The following LRP1B variants were observed in gnomAD, a reference collection of about 807,000 sequenced individuals.
LRP1B encodes low-density lipoprotein receptor-related protein 1B.
LRP1B carries 217 observed loss-of-function variants against 556.6 expected under a neutral mutation model. The observed-to-expected ratio is 0.39, with a 90% CI of 0.35 to 0.44. LRP1B has a LOEUF of 0.44. Among genes scored for constraint, LRP1B ranks in the 20% least tolerant of loss-of-function variants. The probability of loss-of-function intolerance (pLI) is 1.00; values close to 1 mark genes in which losing one functional copy is unlikely to be tolerated. For missense variants in LRP1B, 5,053 were observed against 5,620.8 expected, an observed-to-expected ratio of 0.90 and a Z score of 3.23; for synonymous variants, 2,047 against 1,865.8, an observed-to-expected ratio of 1.10 and a Z score of -2.50.
At chr2:141,024,892 C>T (rs73962111) in intron 11 of LRP1B, among the ~76,000 whole-genome samples, 5,022 of 152,014 alleles carry the variant, frequency 0.033, 108 homozygotes, top group African/African-American at 0.054. Flanking sequence ...TTTAGAAAAT[C>T]CAAGCCTATT....
chr2:141,100,064 T>A (rs950814095), intron 7 of LRP1B, among the ~76,000 whole-genome samples: 6 of 152,182 alleles, frequency 3.9e-5, no homozygotes, highest in Admixed American at 2.6e-4. Flanking sequence ...TGGGAGTCTG[T>A]TTCAAGATCT....
rs1681891579 is a variant in LRP1B, at chr2:140,584,196, TAAG to T, written c.7194+14432_7194+14434del. ...ACCTGCTCAAGAACAATACAAAAAA[TAAG>T]AAATTCAGAGAAGAGAAAAATTAAT... On this transcript the variant is annotated intron_variant, in intron 43 of 90. Coordinates refer to ENST00000389484, the MANE Select transcript of LRP1B (RefSeq NM_018557.3). Among the ~76,000 whole-genome samples the T allele has an allele frequency of 3.3e-5, 5 of 152,028 alleles. No individual in the cohort carries two copies. In the East Asian group the frequency reaches 5.8e-4, roughly 18 times the overall value.
At chr2:141,396,423 C>G (rs181598722) in intron 3 of LRP1B, among the ~76,000 whole-genome samples, 1 of 152,166 alleles carries the variant, frequency 6.6e-6, no homozygotes, top group Admixed American at 6.5e-5. Flanking sequence ...ATGGGACTAC[C>G]AAATGATGAG....
intron 2 of LRP1B, among the ~76,000 whole-genome samples, chr2:141,542,004 G>C (rs1174921313): frequency 6.6e-6 from 1 of 151,916 alleles, no homozygotes; most frequent in Non-Finnish European, 1.5e-5. Context: ...TTTTGGCATT[G>C]AGTCAACCCT....
chr2:140,918,199 T>C (rs902917050), intron 21 of LRP1B, among the ~76,000 whole-genome samples: 7 of 151,678 alleles, frequency 4.6e-5, no homozygotes, highest in Non-Finnish European at 7.4e-5. Context: ...TGTGTGTGTG[T>C]GTGTGTGTGT....
At chr2:141,080,985 A>G (rs1465279214) in intron 7 of LRP1B, among the ~76,000 whole-genome samples, 1 of 151,994 alleles carries the variant, frequency 6.6e-6, no homozygotes, top group Non-Finnish European at 1.5e-5. Flanking sequence ...GGCACACACC[A>G]TCATGCCAGA....
intron 1 of LRP1B, among the ~76,000 whole-genome samples, chr2:142,091,918 C>T (rs997371948): frequency 3.3e-5 from 5 of 152,162 alleles, no homozygotes; most frequent in African/African-American, 1.2e-4. Flanking sequence ...GAGAGCTACC[C>T]TAGACAATTT....
chr2:140,578,759 TA>T (rs545410186), intron 43 of LRP1B, among the ~76,000 whole-genome samples: 3 of 151,876 alleles, frequency 2.0e-5, no homozygotes, highest in South Asian at 2.1e-4. Context: ...ATAAAATAAA[TA>T]AAAAAAATCA....
chr2:141,405,933 C>T (rs1690616530), intron 3 of LRP1B, among the ~76,000 whole-genome samples: 1 of 151,946 alleles, frequency 6.6e-6, no homozygotes, highest in African/African-American at 2.4e-5. Flanking sequence ...ATAGCTCTTT[C>T]TTATATAGTA....
chr2:141,078,667 T>C (rs1699852253), intron 7 of LRP1B, among the ~76,000 whole-genome samples: 1 of 152,152 alleles, frequency 6.6e-6, no homozygotes, highest in Non-Finnish European at 1.5e-5. Context: ...AAAGAAGTGT[T>C]CTCCTTCTCC....
chr2:140,303,379 C>T (rs1183158421), intron 83 of LRP1B, among the ~76,000 whole-genome samples: 1 of 151,902 alleles, frequency 6.6e-6, no homozygotes, highest in Non-Finnish European at 1.5e-5. Flanking sequence ...TCCTGAGTAG[C>T]TGGAACTACA....
rs1243692174 is a variant in LRP1B, at chr2:140,487,750, A to T, written c.9121-11T>A. ...AACATTGTTTAATCCCTGAAAATAA[A>T]AAAGACTATGTTGTCAATGATAGTT... is the stretch of plus-strand genomic sequence containing the variant. On this transcript the variant is annotated splice_polypyrimidine_tract_variant and intron_variant, in intron 57 of 90. Transcript: ENST00000389484. 1 of 1,493,906 alleles carries T rather than the reference A, an allele frequency of 6.7e-7. No homozygotes were observed. The highest frequency in any genetic ancestry group is 2.0e-5 in the Admixed American group (1 of 49,652). 92.5% of individuals were successfully genotyped at this position (1,493,906 alleles called of 1,614,324 possible). A position where few individuals can be genotyped will look rare whatever the true frequency, so the allele number is the denominator to read the frequency against.
At chr2:141,625,705 T>C (rs1384670467) in intron 2 of LRP1B, among the ~76,000 whole-genome samples, 1 of 152,170 alleles carries the variant, frequency 6.6e-6, no homozygotes, top group African/African-American at 2.4e-5. Flanking sequence ...ATTTTAAACT[T>C]GTAGTTACTT....
At chr2:140,908,329 C>CTA (rs1430701905) in intron 21 of LRP1B, among the ~76,000 whole-genome samples, 1 of 134,764 alleles carries the variant, frequency 7.4e-6, no homozygotes, top group African/African-American at 2.7e-5. Context: ...TGCTCTCTCT[C>CTA]TCTCTATATA....
At chr2:140,588,883 C>G (rs1434499168) in intron 43 of LRP1B, among the ~76,000 whole-genome samples, 3 of 151,666 alleles carry the variant, frequency 2.0e-5, no homozygotes, top group Admixed American at 2.0e-4. Context: ...TCTCTTGAAC[C>G]CAGGAGGCAG....
intron 2 of LRP1B, among the ~76,000 whole-genome samples, chr2:141,556,504 A>T (rs1685966866): frequency 6.6e-6 from 1 of 151,916 alleles, no homozygotes; most frequent in South Asian, 2.1e-4. Flanking sequence ...CTTCATAGAG[A>T]CTTGGTTACA....
At chr2:140,276,237 C>T (rs1189628356) in intron 84 of LRP1B, among the ~76,000 whole-genome samples, 1 of 151,814 alleles carries the variant, frequency 6.6e-6, no homozygotes, top group African/African-American at 2.4e-5. Context: ...TTATCTAGCC[C>T]TTTATTAAAT....
chr2:142,050,157 G>A (rs565977302), intron 1 of LRP1B, among the ~76,000 whole-genome samples: 2 of 152,106 alleles, frequency 1.3e-5, no homozygotes, highest in South Asian at 2.1e-4. Flanking sequence ...GTGCATATAT[G>A]TAATACATAG....
At chr2:140,272,045 C>A (rs1450052949) in intron 85 of LRP1B, among the ~76,000 whole-genome samples, 4 of 151,798 alleles carry the variant, frequency 2.6e-5, no homozygotes. Flanking sequence ...TGCTTTTAAA[C>A]CTGTGTTTCC....
Sources: gnomAD v4.1 joint callset for allele counts (sites outside exome capture counted in the v4.1 genomes callset) on GRCh38, gnomAD v4.1.1 for gene constraint, MANE v1.5 for transcripts, NCBI Gene and HGNC (gene_info 2026-07-23, HGNC 2026-07-21) for gene names.